Variants in TBCB observed in about 807,000 individuals in gnomAD.
The protein encoded by TBCB is tubulin folding cofactor B, also known as tubulin-folding cofactor B.
A neutral mutation model predicts 29.2 loss-of-function variants in TBCB; 18 were observed. The observed-to-expected ratio is 0.62, with a 90% CI of 0.43 to 0.91. The LOEUF is 0.91. Ranked by LOEUF, TBCB falls within the 40% of genes least tolerant of loss-of-function variation. The pLI is 0.00. For missense variants in TBCB, 336 were observed against 337.6 expected (o/e 1.00, Z 0.04); for synonymous variants, 172 against 137.8 (o/e 1.25, Z -1.74).
intron 3 of TBCB, 147 bp downstream of exon 3, chr19:36,120,953 T>A: frequency 1.7e-6 from 1 of 589,918 alleles, no homozygotes; most frequent in East Asian, 3.5e-5. Flanking sequence ...GGGGTGAGGC[T>A]GGGAGTGGGG....
At chr19:36,120,351 G>T (rs544810902) in intron 2 of TBCB, 37 of 242,140 alleles carry the variant, frequency 1.5e-4, no homozygotes, top group Non-Finnish European at 2.8e-4. Flanking sequence ...GGCCAGCTTA[G>T]GAGAGTCCCA....
rs1426769978 is a variant in TBCB, at chr19:36,115,498, G to A, written c.-63G>A. On this transcript the variant is annotated 5_prime_UTR_variant, in exon 1 of 6. Coordinates refer to ENST00000221855, the MANE Select transcript of TBCB (RefSeq NM_001281.3). ...TAGCCCAGCAGCAGCAGCGGCGGCG[G>A]CGGCTGCGGAGCGGGTGTGAGGCGG... is the stretch of plus-strand genomic sequence containing the variant. 1.6e-6 allele frequency: 2 copies of A among 1,285,440 alleles called. No homozygotes were observed. The highest frequency in any genetic ancestry group is 2.2e-6 in the Non-Finnish European group (2 of 915,980). 79.6% of individuals were successfully genotyped at this position (1,285,440 alleles called of 1,614,324 possible).
At chr19:36,119,632 A>T (rs1974011258) in intron 2 of TBCB, among the ~76,000 whole-genome samples, 1 of 152,160 alleles carries the variant, frequency 6.6e-6, no homozygotes, top group Admixed American at 6.6e-5. Context: ...TCGTGCCTGT[A>T]ATCCCACCCA....
intron 3 of TBCB, among the ~76,000 whole-genome samples, chr19:36,121,033 G>T (rs544473914): frequency 3.9e-4 from 59 of 151,058 alleles, no homozygotes; most frequent in African/African-American, 1.3e-3. Flanking sequence ...GACGTGGTCG[G>T]GGGAGGGCTG....
intron 4 of TBCB, 69 bp from the exon 5 acceptor site, chr19:36,125,382 G>A: frequency 6.4e-7 from 1 of 1,551,352 alleles, no homozygotes; most frequent in South Asian, 1.1e-5. Flanking sequence ...GATCCAGGGT[G>A]ATCCTGAAAT....
chr19:36,115,976 G>C (rs1973944922), intron 1 of TBCB, 65 bp from the exon 2 acceptor site: 1 of 1,577,316 alleles, frequency 6.3e-7, no homozygotes, highest in Middle Eastern at 1.7e-4. Context: ...ACGTGGCGAT[G>C]GTCATTGATG....
In TBCB at chr19:36,120,740, G is replaced by A. The variant is rs1173394445; in HGVS notation, c.289G>A (p.Glu97Lys). Residue 97 changes from glutamate (E) to lysine (K), a missense_variant, in exon 3 of 6, where the codon GAG becomes AAG. Coordinates refer to ENST00000221855, the MANE Select transcript of TBCB (RefSeq NM_001281.3). Reference sequence around the variant, plus strand: ...TGACCACAGTGGCGCCCGCCTTGGTGAGTATGAGGACGTGTCCCGGGTGGA... The same window carrying A: ...TGACCACAGTGGCGCCCGCCTTGGTAAGTATGAGGACGTGTCCCGGGTGGA... ...VIDHSGARLGEYEDVSRVEKY... is the reference protein window; with the variant it reads ...VIDHSGARLGKYEDVSRVEKY... 3 of 1,614,124 alleles carry A rather than the reference G, an allele frequency of 1.9e-6. No individual in the cohort carries two copies. Among genetic ancestry groups the A allele is most frequent in the Non-Finnish European group, 1.7e-6 (2 of 1,180,016 alleles).
chr19:36,118,989 G>A (rs1434391750), intron 2 of TBCB, among the ~76,000 whole-genome samples: 1 of 152,138 alleles, frequency 6.6e-6, no homozygotes, highest in African/African-American at 2.4e-5. Flanking sequence ...TCTGCTGGGT[G>A]CACAGGACTG....
intron 4 of TBCB, among the ~76,000 whole-genome samples, chr19:36,124,919 T>A (rs1448056924): frequency 6.6e-6 from 1 of 152,174 alleles, no homozygotes; most frequent in African/African-American, 2.4e-5. Flanking sequence ...CAACTTCCTG[T>A]TGCCCACTTT....
At chr19:36,123,553 C>T (rs1974091926) in intron 4 of TBCB, among the ~76,000 whole-genome samples, 1 of 152,042 alleles carries the variant, frequency 6.6e-6, no homozygotes, top group Non-Finnish European at 1.5e-5. Flanking sequence ...GTGTGAGCCA[C>T]CATGCTAGGC....
At chr19:36,118,478 T>G (rs1044408894) in intron 2 of TBCB, 3 of 151,874 alleles carry the variant, frequency 2.0e-5, no homozygotes, top group Admixed American at 2.0e-4. Context: ...ACAGATCACT[T>G]AAGGTCAGGA....
intron 2 of TBCB, chr19:36,116,816 T>C (rs1283891485): frequency 7.4e-6 from 1 of 135,992 alleles, no homozygotes; most frequent in African/African-American, 3.0e-5. Context: ...AGATGGGTTT[T>C]TGCCATGTTG....
intron 2 of TBCB, among the ~76,000 whole-genome samples, chr19:36,117,361 C>A (rs772377609): frequency 1.3e-5 from 2 of 152,032 alleles, no homozygotes; most frequent in Non-Finnish European, 2.9e-5. Flanking sequence ...TTGTTTTGTT[C>A]GAGACAGAGT....
intron 4 of TBCB, among the ~76,000 whole-genome samples, chr19:36,124,823 G>A (rs545984688): frequency 5.3e-5 from 8 of 152,244 alleles, no homozygotes; most frequent in Admixed American, 1.3e-4. Context: ...GATTACAGGC[G>A]TGAGCCACCG....
At chr19:36,122,762 A>AG (rs1336317416) in intron 4 of TBCB, among the ~76,000 whole-genome samples, 1 of 150,842 alleles carries the variant, frequency 6.6e-6, no homozygotes, top group East Asian at 2.3e-4. Context: ...TCCAAAAAAA[A>AG]AAAAAAAAAA....
chr19:36,120,357 T>G, intron 2 of TBCB: 9 of 232,612 alleles, frequency 3.9e-5, no homozygotes, highest in Non-Finnish European at 6.9e-5. Flanking sequence ...CTTAGGAGAG[T>G]CCCAGAGGCC....
intron 4 of TBCB, among the ~76,000 whole-genome samples, chr19:36,123,694 G>A (rs565212338): frequency 6.6e-6 from 1 of 152,250 alleles, no homozygotes; most frequent in African/African-American, 2.4e-5. Context: ...GGCCAACATG[G>A]TGAAACCCCA....
upstream of TBCB, chr19:36,115,168 G>T: frequency 1.8e-6 from 1 of 558,106 alleles, no homozygotes; most frequent in Non-Finnish European, 3.2e-6. Flanking sequence ...GAGCATCCAG[G>T]ACAGAAGCCA....
intron 2 of TBCB, among the ~76,000 whole-genome samples, chr19:36,120,303 G>T (rs1484887184): frequency 9.9e-5 from 15 of 152,188 alleles, no homozygotes; most frequent in Non-Finnish European, 4.4e-5. Context: ...GAATAGTGGG[G>T]GCAGAACAGG....
Sources: allele counts gnomAD v4.1 joint callset (sites outside exome capture counted in the v4.1 genomes callset), GRCh38; gene constraint gnomAD v4.1.1; transcripts MANE v1.5; gene names NCBI Gene and HGNC (gene_info 2026-07-23, HGNC 2026-07-21).